The following RORB variants were observed in gnomAD, a reference collection of about 807,000 sequenced individuals.
The protein encoded by RORB is nuclear receptor ROR-beta.
In RORB, 6 loss-of-function variants were observed where a neutral mutation model predicts 59.1. That is an observed-to-expected ratio of 0.10 (90% CI 0.06 to 0.20). The LOEUF is 0.20. Among genes scored for constraint, RORB ranks in the 10% least tolerant of loss-of-function variants. RORB has a pLI of 1.00. For synonymous variants in RORB, 215 were observed against 204.5 expected (o/e 1.05, Z -0.44); for missense variants, 320 against 560.5 (o/e 0.57, Z 4.33).
intron 1 of RORB, among the ~76,000 whole-genome samples, chr9:74,505,813 T>C (rs916882921): frequency 5.9e-5 from 9 of 152,244 alleles, no homozygotes; most frequent in African/African-American, 1.7e-4. Context: ...TAACCTGATG[T>C]AGCACAAATA....
At chr9:74,595,593 C>A (rs1313643235) in intron 1 of RORB, among the ~76,000 whole-genome samples, 1 of 152,142 alleles carries the variant, frequency 6.6e-6, no homozygotes, top group Non-Finnish European at 1.5e-5. Flanking sequence ...TCAGGTGGAG[C>A]AATTGAAAAC....
chr9:74,676,636 T>C (rs1253863214), intron 9 of RORB, among the ~76,000 whole-genome samples: 2 of 152,260 alleles, frequency 1.3e-5, no homozygotes, highest in Non-Finnish European at 2.9e-5. Context: ...AGCTCTATGC[T>C]GATAAATCCT....
chr9:74,635,861 G>A (rs1448356236), intron 3 of RORB, among the ~76,000 whole-genome samples: 1 of 150,550 alleles, frequency 6.6e-6, no homozygotes, highest in Non-Finnish European at 1.5e-5. Context: ...AGTATAAAGG[G>A]ATTTTGTGAG....
chr9:74,580,430 T>C (rs1441722390), intron 1 of RORB, among the ~76,000 whole-genome samples: 1 of 152,142 alleles, frequency 6.6e-6, no homozygotes. Flanking sequence ...TGTTCCTTGA[T>C]TGGGATCCAG....
At chr9:74,576,228 A>G (rs761774110) in intron 1 of RORB, among the ~76,000 whole-genome samples, 1 of 152,114 alleles carries the variant, frequency 6.6e-6, no homozygotes, top group Non-Finnish European at 1.5e-5. Flanking sequence ...ACAAGAGGCT[A>G]TGTTCTCAAG....
chr9:74,567,901 A>G (rs1425952173), intron 1 of RORB, among the ~76,000 whole-genome samples: 1 of 152,246 alleles, frequency 6.6e-6, no homozygotes, highest in Non-Finnish European at 1.5e-5. Flanking sequence ...AGCATCAAGA[A>G]CTGCCAGGTG....
chr9:74,634,577 C>G (rs911316266), intron 2 of RORB, 54 bp from the exon 3 acceptor site: 4 of 1,486,668 alleles, frequency 2.7e-6, no homozygotes, highest in Non-Finnish European at 3.6e-6. Context: ...CATTAATGTT[C>G]TCTGTTTCCC....
At chr9:74,637,506 A>G (rs1226715917) in intron 3 of RORB, among the ~76,000 whole-genome samples, 2 of 152,156 alleles carry the variant, frequency 1.3e-5, no homozygotes, top group Non-Finnish European at 2.9e-5. Flanking sequence ...AAAAAGGTGA[A>G]GACATGTGTG....
chr9:74,677,356 T>C (rs1824460366), intron 9 of RORB, among the ~76,000 whole-genome samples: 1 of 152,232 alleles, frequency 6.6e-6, no homozygotes, highest in Non-Finnish European at 1.5e-5. Context: ...TTTAGACTTA[T>C]ATATACTTAT....
At chr9:74,612,665 A>T (rs562929140) in intron 1 of RORB, among the ~76,000 whole-genome samples, 1 of 152,170 alleles carries the variant, frequency 6.6e-6, no homozygotes, top group Admixed American at 6.5e-5. Context: ...CTCAGTAGAC[A>T]TAAAGATGTA....
At chr9:74,555,457 C>T (rs2118176457) in intron 1 of RORB, among the ~76,000 whole-genome samples, 1 of 152,262 alleles carries the variant, frequency 6.6e-6, no homozygotes, top group South Asian at 2.1e-4. Context: ...GAAATAAAAC[C>T]TTAATACATA....
intron 1 of RORB, among the ~76,000 whole-genome samples, chr9:74,502,365 T>C (rs1272764827): frequency 6.6e-6 from 1 of 152,084 alleles, no homozygotes; most frequent in Non-Finnish European, 1.5e-5. Flanking sequence ...TTAATACGAT[T>C]TGATACAAAA....
intron 9 of RORB, among the ~76,000 whole-genome samples, chr9:74,678,069 C>CA (rs1824475378): frequency 6.6e-6 from 1 of 152,148 alleles, no homozygotes; most frequent in Non-Finnish European, 1.5e-5. Context: ...AAGGATTGAG[C>CA]ATTTACTATG....
At chr9:74,648,817 C>G (rs1823943625) in intron 4 of RORB, among the ~76,000 whole-genome samples, 1 of 152,158 alleles carries the variant, frequency 6.6e-6, no homozygotes, top group Non-Finnish European at 1.5e-5. Context: ...CCAAATCACT[C>G]CAAGTTCATG....
intron 1 of RORB, among the ~76,000 whole-genome samples, chr9:74,556,915 T>A (rs1186220425): frequency 6.6e-6 from 1 of 152,222 alleles, no homozygotes; most frequent in Non-Finnish European, 1.5e-5. Flanking sequence ...TGTGTTAATG[T>A]CAATAGATTC....
intron 4 of RORB, among the ~76,000 whole-genome samples, chr9:74,651,856 T>C (rs1057354003): frequency 1.3e-5 from 2 of 152,208 alleles, no homozygotes; most frequent in African/African-American, 2.4e-5. Context: ...TTAAATGTAA[T>C]CTTTTAACAA....
intron 6 of RORB, 23 bp from the exon 7 acceptor site, chr9:74,665,448 GTATTTTTATTTTATTTT>G (rs573039818): frequency 7.9e-7 from 1 of 1,262,920 alleles, no homozygotes; most frequent in African/African-American, 1.5e-5. Flanking sequence ...ATATATATGT[GTATTTTTATTTTATTTT>G]TATTTTTATT....
chr9:74,642,527 G>A lies in RORB; in HGVS notation c.349G>A (p.Ala117Thr). 2 of 1,614,220 alleles carry A rather than the reference G, an allele frequency of 1.2e-6. No homozygotes were observed. Among genetic ancestry groups the A allele is most frequent in the African/African-American group, 2.7e-5 (2 of 75,064 alleles). Residue 117 changes from alanine (A) to threonine (T), a missense_variant, in exon 4 of 10, where the codon GCC becomes ACC. Physicochemically the swap from Ala to Thr is moderately conservative, Grantham distance 58. Transcript: ENST00000376896. ...GCAGCAGCAGAGTGGGGAGGCAGAA[G>A]CCCTTGCCAGGGTGTACAGCAGCAG... is the stretch of plus-strand genomic sequence containing the variant. Reference protein sequence around the residue: ...QRQQQSGEAEALARVYSSSIS... With the variant: ...QRQQQSGEAETLARVYSSSIS...
intron 1 of RORB, among the ~76,000 whole-genome samples, chr9:74,504,296 A>G (rs1360641062): frequency 6.6e-6 from 1 of 152,058 alleles, no homozygotes; most frequent in Non-Finnish European, 1.5e-5. Flanking sequence ...TATGTCCTGC[A>G]TGCTGCTTGG....
Sources: allele counts gnomAD v4.1 joint callset (sites outside exome capture counted in the v4.1 genomes callset), GRCh38; gene constraint gnomAD v4.1.1; transcripts MANE v1.5; gene names NCBI Gene and HGNC (gene_info 2026-07-23, HGNC 2026-07-21).